The following MYO1B variants were observed in gnomAD, a reference collection of about 807,000 sequenced individuals.
MYO1B encodes the protein myosin IB.
A neutral mutation model predicts 159.7 loss-of-function variants in MYO1B; 72 were observed. The ratio of observed to expected loss-of-function variants is 0.45; its 90% CI spans 0.37 to 0.55. The LOEUF (loss-of-function observed/expected upper bound fraction) is 0.55, where lower values mean the gene tolerates loss of function less well. MYO1B is among the 20% of genes least tolerant of loss of function. The pLI is 0.00. For missense variants in MYO1B, 1,062 were observed against 1,364.8 expected (o/e 0.78, Z 3.50); for synonymous variants, 468 against 473.8 (o/e 0.99, Z 0.16).
At chr2:191,316,064 G>A (rs1241649145) in intron 3 of MYO1B, among the ~76,000 whole-genome samples, 3 of 152,160 alleles carry the variant, frequency 2.0e-5, no homozygotes, top group Non-Finnish European at 4.4e-5. Flanking sequence ...TTTCCTTCAG[G>A]TGCCTTGTAG....
intron 9 of MYO1B, 95 bp downstream of exon 9, chr2:191,362,466 C>T: frequency 2.5e-6 from 2 of 815,714 alleles, no homozygotes; most frequent in South Asian, 4.0e-5. Context: ...TAAAGTGTAG[C>T]TCATTCTCCC....
At chr2:191,314,220 G>A (rs1366615754) in intron 3 of MYO1B, among the ~76,000 whole-genome samples, 1 of 152,186 alleles carries the variant, frequency 6.6e-6, no homozygotes, top group Non-Finnish European at 1.5e-5. Context: ...TTCTACAGAA[G>A]TAAAACTGTT....
Position 191,400,412 on chromosome 2 carries a change from C to A in MYO1B, c.2326C>A (p.Gln776Lys), listed in dbSNP as rs780520822. 1 of 1,614,054 alleles carries A rather than the reference C, an allele frequency of 6.2e-7. No individual in the cohort carries two copies. The change falls in exon 22 of 31, where the codon CAA becomes AAA. Residue 776 changes from glutamine to lysine, a missense_variant. Around this residue, in one of 5 missense-constraint regions of MYO1B, gnomAD observed 609 missense variants for 744.4 expected, o/e 0.82. Transcript: ENST00000392318. ...AAAAATTCTGCGGGAACTGAAGCATCAAAAGCGCTGTAAGGAAGCAGTCAC... is the reference window on the plus strand; with the variant it reads ...AAAAATTCTGCGGGAACTGAAGCATAAAAAGCGCTGTAAGGAAGCAGTCAC... ...ARKILRELKH[Q>K]KRCKEAVTTI... is the part of the protein sequence containing the mutation.
intron 3 of MYO1B, among the ~76,000 whole-genome samples, chr2:191,302,483 A>G (rs1408259447): frequency 1.3e-5 from 2 of 152,220 alleles, no homozygotes; most frequent in Non-Finnish European, 2.9e-5. Flanking sequence ...CAGTATAATG[A>G]GAATTTTTTT....
intron 15 of MYO1B, among the ~76,000 whole-genome samples, chr2:191,385,053 G>A (rs1195381115): frequency 6.6e-6 from 1 of 152,176 alleles, no homozygotes; most frequent in Non-Finnish European, 1.5e-5. Context: ...GGTGGAAGTA[G>A]GTGGGGTTGA....
chr2:191,304,505 G>T (rs961687172), intron 3 of MYO1B, among the ~76,000 whole-genome samples: 1 of 152,144 alleles, frequency 6.6e-6, no homozygotes, highest in Non-Finnish European at 1.5e-5. Flanking sequence ...AGGAGGCGGA[G>T]GTTGCAGTAA....
rs753150855 is a variant in MYO1B at position 191,400,337 on chromosome 2, CTTTATT to C, written c.2296-40_2296-35del. 4 of 1,600,504 alleles carry C rather than the reference CTTTATT, an allele frequency of 2.5e-6. No individual in the cohort carries two copies. In the South Asian group the frequency reaches 4.4e-5, roughly 18 times the overall value. ...TTTTTTTTCAAGTCACTGTCAATTCCTTTATTTTTAAACATTCTCTCTTTTGGGTGA... is the reference window on the plus strand; with the variant it reads ...TTTTTTTTCAAGTCACTGTCAATTCCTTTAAACATTCTCTCTTTTGGGTGA... On this transcript the variant is annotated intron_variant, in intron 21 of 30. Coordinates refer to ENST00000392318, the MANE Select transcript of MYO1B (RefSeq NM_001130158.3).
At chr2:191,414,380 T>A (rs1697434880) in intron 28 of MYO1B, 137 bp from the exon 29 acceptor site, 4 of 1,036,228 alleles carry the variant, frequency 3.9e-6, no homozygotes, top group Non-Finnish European at 4.1e-6. Flanking sequence ...TTATTTATGT[T>A]CTTTACTGCG....
Position 191,338,227 on chromosome 2 carries a change from C to G in MYO1B, c.347-3234C>G, listed in dbSNP as rs1691985369. The stretch of plus-strand genomic sequence containing the variant: ...TACTAATACCAGCTTCCAAAAATGA[C>G]TTATTAAGATGAGCCCAGTAGTAGA... On this transcript the variant is annotated intron_variant, in intron 4 of 30. Transcript: ENST00000392318. Among the ~76,000 whole-genome samples the G allele has an allele frequency of 2.0e-5, 3 of 151,586 alleles. No homozygotes were observed. In the South Asian group the frequency reaches 6.2e-4, roughly 32 times the overall value.
intron 3 of MYO1B, among the ~76,000 whole-genome samples, chr2:191,306,504 G>C (rs1357033184): frequency 6.6e-6 from 1 of 152,100 alleles, no homozygotes; most frequent in East Asian, 1.9e-4. Context: ...TATGAGCCTT[G>C]GGATTTGAAC....
rs189820202 is a variant in MYO1B, at chr2:191,391,471, A to G, written c.1983-637A>G. Among the ~76,000 whole-genome samples, 78 of 152,256 alleles carry G rather than the reference A, an allele frequency of 5.1e-4. 1 individual carries two copies. Among genetic ancestry groups the G allele is most frequent in the Admixed American group, 5.0e-3 (77 of 15,300 alleles). On this transcript the variant is annotated intron_variant, in intron 18 of 30. Transcript: ENST00000392318. Reference sequence around the variant, plus strand: ...GGATTTGGGTACTGTTTCAGTTCCCATTGCTAATTTCCGGGGTATTATGGT... The same window carrying G: ...GGATTTGGGTACTGTTTCAGTTCCCGTTGCTAATTTCCGGGGTATTATGGT...
chr2:191,307,127 G>A (rs1310930329), intron 3 of MYO1B, among the ~76,000 whole-genome samples: 1 of 152,156 alleles, frequency 6.6e-6, no homozygotes, highest in Non-Finnish European at 1.5e-5. Flanking sequence ...GCTGCTGGTT[G>A]CCCATTTTTA....
At chr2:191,346,008 G>A (rs1692542886) in intron 5 of MYO1B, among the ~76,000 whole-genome samples, 2 of 152,134 alleles carry the variant, frequency 1.3e-5, no homozygotes, top group Admixed American at 6.5e-5. Context: ...AAAATTCCAT[G>A]AGTCATAGGA....
At chr2:191,316,966 T>C (rs1690390618) in intron 3 of MYO1B, among the ~76,000 whole-genome samples, 1 of 152,200 alleles carries the variant, frequency 6.6e-6, no homozygotes, top group South Asian at 2.1e-4. Context: ...CTCTGCAGGT[T>C]TCGGTGATTT....
At chr2:191,320,782 C>T (rs1426673230) in intron 3 of MYO1B, among the ~76,000 whole-genome samples, 1 of 151,996 alleles carries the variant, frequency 6.6e-6, no homozygotes, top group African/African-American at 2.4e-5. Context: ...GCTTCAAGCA[C>T]AAACCAAAGC....
chr2:191,355,007 A>G (rs2125994043), intron 7 of MYO1B, among the ~76,000 whole-genome samples: 1 of 152,214 alleles, frequency 6.6e-6, no homozygotes, highest in African/African-American at 2.4e-5. Flanking sequence ...TGACTGGGAG[A>G]TTTATTTTGA....
chr2:191,360,380 G>C (rs1033077467), intron 7 of MYO1B, among the ~76,000 whole-genome samples: 1 of 152,102 alleles, frequency 6.6e-6, no homozygotes, highest in Non-Finnish European at 1.5e-5. Context: ...GTATAAAAAT[G>C]ATATTTAATC....
At chr2:191,285,221 A>G (rs563284950) in intron 2 of MYO1B, among the ~76,000 whole-genome samples, 1 of 152,364 alleles carries the variant, frequency 6.6e-6, no homozygotes, top group South Asian at 2.1e-4. Flanking sequence ...GTTTGTCTCA[A>G]CGAAGATATG....
At chr2:191,318,509 A>T (rs1690495844) in intron 3 of MYO1B, among the ~76,000 whole-genome samples, 2 of 152,152 alleles carry the variant, frequency 1.3e-5, no homozygotes, top group African/African-American at 4.8e-5. Flanking sequence ...CTGTCTCCAG[A>T]TTACCCTGAA....
Sources: gnomAD v4.1 joint callset for allele counts (sites outside exome capture counted in the v4.1 genomes callset) on GRCh38, gnomAD v4.1.1 for gene constraint, gnomAD v4.1.1 regional missense constraint, MANE v1.5 for transcripts, NCBI Gene and HGNC (gene_info 2026-07-23, HGNC 2026-07-21) for gene names.